Variants in PCSK9 observed in about 807,000 individuals in gnomAD.
PCSK9 encodes convertase subtilisin/kexin type 9 preproprotein.
Under a neutral mutation model 62.1 loss-of-function variants are expected in PCSK9, and 57 were observed. The ratio of observed to expected loss-of-function variants is 0.92; its 90% confidence interval spans 0.74 to 1.14. PCSK9 has a LOEUF of 1.14. PCSK9 is among the 50% of genes most tolerant of loss of function. PCSK9 has a pLI of 0.00. For synonymous variants in PCSK9, 387 were observed against 409.4 expected (o/e 0.95, Z 0.66); for missense variants, 870 against 959.8 (o/e 0.91, Z 1.24).
chr1:55,052,460 C>A, intron 4 of PCSK9, 49 bp downstream of exon 4: 1 of 1,612,966 alleles, frequency 6.2e-7, no homozygotes, highest in Non-Finnish European at 8.5e-7. Context: ...ATATCCCCAT[C>A]CTGGAGGTGG....
intron 1 of PCSK9, among the ~76,000 whole-genome samples, chr1:55,041,029 C>G (rs543490309): frequency 6.6e-6 from 1 of 152,348 alleles, no homozygotes; most frequent in East Asian, 1.9e-4. Flanking sequence ...CTTGACAAGT[C>G]ACTTATCCTT....
Position 55,052,509 on chromosome 1 carries a change from T to C in PCSK9, c.657+98T>C, listed in dbSNP as rs550413887. ...CCCCAGAGCGTTGCAGCTGTACTCC[T>C]GGGTTGCACCCCCCCCAGCTGTCAC... On this transcript the variant is annotated intron_variant, in intron 4 of 11. Transcript: ENST00000302118. 6 of 1,555,198 alleles carry C rather than the reference T, an allele frequency of 3.9e-6. No homozygotes were observed. In the South Asian group the frequency reaches 5.6e-5, roughly 15 times the overall value.
intron 3 of PCSK9, among the ~76,000 whole-genome samples, chr1:55,046,912 T>C (rs1644639205): frequency 6.6e-6 from 1 of 152,212 alleles, no homozygotes; most frequent in African/African-American, 2.4e-5. Context: ...CCATTTGGAA[T>C]GGCCCAGCAG....
At position 55,039,702 on chromosome 1, in the gene PCSK9, C is replaced by T. The variant is rs940370002; in HGVS notation, c.-136C>T. The T allele has an allele frequency of 5.7e-6, 6 of 1,055,318 alleles. No individual in the cohort carries two copies. The African/African-American group carries it at 9.6e-5, about 17-fold the overall frequency. The allele number at this position is 1,055,318 out of a possible 1,614,324, so 65.4% of individuals were successfully genotyped here. ...CAGCTCCCAGCCAGGATTCCGCGCG[C>T]CCCTTCACGCGCCCTGCTCCTGAAC... On this transcript the variant is annotated 5_prime_UTR_variant, in exon 1 of 12. Transcript: ENST00000302118.
intron 3 of PCSK9, among the ~76,000 whole-genome samples, chr1:55,048,945 G>C (rs531258589): frequency 1.2e-3 from 179 of 152,338 alleles, no homozygotes; most frequent in African/African-American, 4.2e-3. Flanking sequence ...CCCACTGTGC[G>C]CCAGGCACCA....
At chr1:55,047,400 G>A (rs1356778621) in intron 3 of PCSK9, among the ~76,000 whole-genome samples, 3 of 152,194 alleles carry the variant, frequency 2.0e-5, no homozygotes, top group Non-Finnish European at 2.9e-5. Context: ...GTGGGTCCAT[G>A]CAACATGGTG....
At position 55,039,700 on chromosome 1, in the gene PCSK9, C is replaced by G. The variant is rs1644582720; in HGVS notation, c.-138C>G. On this transcript the variant is annotated 5_prime_UTR_variant, in exon 1 of 12. Coordinates refer to ENST00000302118, the MANE Select transcript of PCSK9 (RefSeq NM_174936.4). ...CCCAGCTCCCAGCCAGGATTCCGCG[C>G]GCCCCTTCACGCGCCCTGCTCCTGA... 5.9e-6 allele frequency: 6 copies of G among 1,014,230 alleles called. No homozygotes were observed. The African/African-American group carries it at 8.1e-5, about 14-fold the overall frequency. 62.8% of individuals were successfully genotyped at this position (1,014,230 alleles called of 1,614,324 possible). A position where few individuals can be genotyped will look rare whatever the true frequency, so the allele number is the denominator to read the frequency against.
intron 1 of PCSK9, among the ~76,000 whole-genome samples, chr1:55,043,378 C>T (rs1407445424): frequency 3.9e-5 from 6 of 152,164 alleles, no homozygotes; most frequent in East Asian, 3.9e-4. Flanking sequence ...TCTGAGGCTC[C>T]GAGAGGTTGA....
rs1288490306 is a variant in PCSK9 at position 55,063,429 on chromosome 1, T to C, written c.1924T>C (p.Ser642Pro). ...TGGCTGCAGTGCCCTCCCTGGGACC[T>C]CCCACGTCCTGGGGGCCTACGCCGT... ...LTGCSALPGTSHVLGAYAVDN... is the reference protein window; with the variant it reads ...LTGCSALPGTPHVLGAYAVDN... The change falls in exon 12 of 12, where the codon TCC (serine) becomes CCC (proline). Residue 642 changes from serine to proline, a missense_variant. Physicochemically the swap from Ser to Pro is moderately conservative, Grantham distance 74 (BLOSUM62 -1). Coordinates refer to ENST00000302118, the MANE Select transcript of PCSK9 (RefSeq NM_174936.4). The C allele has an allele frequency of 9.3e-6, 15 of 1,613,950 alleles. No individual in the cohort carries two copies. The highest frequency in any genetic ancestry group is 1.3e-5 in the Non-Finnish European group (15 of 1,179,964).
chr1:55,056,134 C>G lies in PCSK9; in HGVS notation c.941C>G (p.Ala314Gly). The change falls in exon 6 of 12, where the codon GCT becomes GGT. Residue 314 changes from alanine (A) to glycine (G), a missense_variant. Physicochemically the swap from Ala to Gly is moderately conservative, Grantham distance 60. Coordinates refer to ENST00000302118, the MANE Select transcript of PCSK9 (RefSeq NM_174936.4). ...AGGGCTGGGGTCGTGCTGGTCACCG[C>G]TGCCGGCAACTTCCGGGACGATGCC... ...LARAGVVLVTAAGNFRDDACL... is the reference protein window; with the variant it reads ...LARAGVVLVTGAGNFRDDACL... 4 of 1,560,760 alleles carry G rather than the reference C, an allele frequency of 2.6e-6. No individual in the cohort carries two copies. Among genetic ancestry groups the G allele is most frequent in the Non-Finnish European group, 3.5e-6 (4 of 1,146,710 alleles).
At chr1:55,059,065 C>G (rs1299763432) in intron 9 of PCSK9, among the ~76,000 whole-genome samples, 1 of 152,192 alleles carries the variant, frequency 6.6e-6, no homozygotes, top group Non-Finnish European at 1.5e-5. Context: ...GATGTTGATG[C>G]TACAGGATAG....
intron 3 of PCSK9, among the ~76,000 whole-genome samples, chr1:55,047,541 CCTT>C (rs988485983): frequency 1.1e-4 from 16 of 152,310 alleles, no homozygotes; most frequent in African/African-American, 3.6e-4. Context: ...CTGTCCCTGT[CCTT>C]CTCACAGGTT....
rs910186653 is a variant in PCSK9 at position 55,057,477 on chromosome 1, A to G, written c.1143A>G (p.Ser381=). The G allele has an allele frequency of 3.1e-6, 5 of 1,613,574 alleles. No individual in the cohort carries two copies. The highest frequency in any genetic ancestry group is 2.7e-5 in the African/African-American group (2 of 74,928). Residue 381 remains serine (S), a synonymous_variant, in exon 7 of 12, where the codon TCA becomes TCG. Transcript: ENST00000302118. ...ASSDCSTCFV[S]QSGTSQAAAH... ...GCGACTGCAGCACCTGCTTTGTGTC[A>G]CAGAGTGGGACATCACAGGCTGCTG...
In PCSK9 at chr1:55,045,076, GA is replaced by G. The variant is rs201125943; in HGVS notation, c.399+1043del. Among the ~76,000 whole-genome samples, 1,226 of 152,326 alleles carry G rather than the reference GA, an allele frequency of 8.0e-3. 23 individuals carry two copies. The highest frequency in any genetic ancestry group is 0.028 in the African/African-American group (1,181 of 41,582). ...CCCTTGAGCTTACAGTTCAGGAGGA[GA>G]GACTGACCAGTGACTGCCAGTACAG... is the stretch of plus-strand genomic sequence containing the variant. On this transcript the variant is annotated intron_variant, in intron 2 of 11. Coordinates refer to ENST00000302118, the MANE Select transcript of PCSK9 (RefSeq NM_174936.4).
At position 55,063,534 on chromosome 1, in the gene PCSK9, A is replaced by G; in HGVS notation, c.2029A>G (p.Ile677Val). Reference protein sequence around the residue: ...TSEGAVTAVAICCRSRHLAQA... With the variant: ...TSEGAVTAVAVCCRSRHLAQA... ...CGAAGGGGCCGTGACAGCCGTTGCC[A>G]TCTGCTGCCGGAGCCGGCACCTGGC... Residue 677 changes from isoleucine (I) to valine (V), a missense_variant, in exon 12 of 12, where the codon ATC becomes GTC. By Grantham distance (29) the Ile-to-Val change is conservative. Coordinates refer to ENST00000302118, the MANE Select transcript of PCSK9 (RefSeq NM_174936.4). 3 of 1,613,508 alleles carry G rather than the reference A, an allele frequency of 1.9e-6. No individual in the cohort carries two copies. The highest frequency in any genetic ancestry group is 2.5e-6 in the Non-Finnish European group (3 of 1,179,758).
At position 55,063,662 on chromosome 1, in the gene PCSK9, C is replaced by G. The variant is rs757944328; in HGVS notation, c.*78C>G. Reference sequence around the variant, plus strand: ...TTTAAAATGGTTCCGACTTGTCCCTCTCTCAGCCCTCCATGGCCTGGCACG... The same window carrying G: ...TTTAAAATGGTTCCGACTTGTCCCTGTCTCAGCCCTCCATGGCCTGGCACG... On this transcript the variant is annotated 3_prime_UTR_variant, in exon 12 of 12. Coordinates refer to ENST00000302118, the MANE Select transcript of PCSK9 (RefSeq NM_174936.4). 2 of 1,456,512 alleles carry G rather than the reference C, an allele frequency of 1.4e-6. No homozygotes were observed. Among genetic ancestry groups the G allele is most frequent in the Non-Finnish European group, 1.8e-6 (2 of 1,081,292 alleles). 90.2% of individuals were successfully genotyped at this position (1,456,512 alleles called of 1,614,324 possible).
chr1:55,063,274 G>C (rs1351205774), intron 11 of PCSK9, 95 bp from the exon 12 acceptor site: 1 of 1,347,846 alleles, frequency 7.4e-7, no homozygotes, highest in African/African-American at 1.4e-5. Flanking sequence ...TCTGCACTTT[G>C]GCCTCACAGA....
chr1:55,061,703 G>C, intron 11 of PCSK9, 147 bp downstream of exon 11: 1 of 1,093,870 alleles, frequency 9.1e-7, no homozygotes, highest in Admixed American at 2.0e-5. Context: ...CCGCCATTGT[G>C]TGGACAGCAT....
At position 55,060,787 on chromosome 1, in the gene PCSK9, C is replaced by A. The variant is rs28362273; in HGVS notation, c.1682-588C>A. ...AGGACATAGAGAATGCTAGTAACCA[C>A]AACCCTACCATGTTCAGAGCACATG... On this transcript the variant is annotated intron_variant, in intron 10 of 11. Coordinates refer to ENST00000302118, the MANE Select transcript of PCSK9 (RefSeq NM_174936.4). 4.4e-3 allele frequency among the ~76,000 whole-genome samples: 675 copies of A among 152,348 alleles called. 2 individuals carry two copies. The highest frequency in any genetic ancestry group is 0.016 in the African/African-American group (655 of 41,578).
Sources: allele counts gnomAD v4.1 joint callset (sites outside exome capture counted in the v4.1 genomes callset), GRCh38; gene constraint gnomAD v4.1.1; transcripts MANE v1.5; gene names NCBI Gene and HGNC (gene_info 2026-07-23, HGNC 2026-07-21).